PCDH15: variants seen among roughly 807,000 people sequenced by gnomAD.
PCDH15 encodes protocadherin related 15.
A neutral mutation model predicts 178.5 loss-of-function variants in PCDH15; 129 were observed. The ratio of observed to expected loss-of-function variants is 0.72; its 90% CI spans 0.63 to 0.84. The LOEUF (loss-of-function observed/expected upper bound fraction) is 0.84. PCDH15 is among the 40% of genes least tolerant of loss of function. The probability of loss-of-function intolerance (pLI) is 0.00; values close to 1 mark genes in which losing one functional copy is unlikely to be tolerated. For synonymous variants in PCDH15, 800 were observed against 732.0 expected (o/e 1.09, Z -1.50); for missense variants, 2,230 against 2,099.9 (o/e 1.06, Z -1.21).
At chr10:55,336,994 A>G (rs1307188733) in intron 2 of PCDH15, among the ~76,000 whole-genome samples, 1 of 152,058 alleles carries the variant, frequency 6.6e-6, no homozygotes, top group Non-Finnish European at 1.5e-5. Context: ...AGCAGCCCTG[A>G]CCCCAACTCC....
At chr10:55,542,149 T>C (rs1420241553) in intron 2 of PCDH15, among the ~76,000 whole-genome samples, 1 of 151,594 alleles carries the variant, frequency 6.6e-6, no homozygotes, top group Non-Finnish European at 1.5e-5. Flanking sequence ...TATATGTCTA[T>C]ATATGTCTAT....
chr10:54,008,823 T>A (rs988687087), intron 20 of PCDH15, among the ~76,000 whole-genome samples: 2 of 152,128 alleles, frequency 1.3e-5, no homozygotes, highest in Non-Finnish European at 2.9e-5. Context: ...TAGACAAGAG[T>A]AAACCAAGGC....
intron 1 of PCDH15, among the ~76,000 whole-genome samples, chr10:54,779,382 GTCTC>G (rs58210737): frequency 9.8e-5 from 11 of 112,614 alleles, no homozygotes; most frequent in South Asian, 3.4e-4. Flanking sequence ...ATATTTATCT[GTCTC>G]TCTCTCTCTA....
At chr10:54,817,472 G>A (rs970194360) in intron 3 of PCDH15, among the ~76,000 whole-genome samples, 9 of 151,876 alleles carry the variant, frequency 5.9e-5, no homozygotes, top group African/African-American at 1.9e-4. Context: ...TTTCAATGCC[G>A]TAGAAGCTGA....
intron 26 of PCDH15, among the ~76,000 whole-genome samples, chr10:53,887,019 T>A (rs757384481): frequency 2.0e-5 from 3 of 152,206 alleles, no homozygotes; most frequent in Non-Finnish European, 2.9e-5. Context: ...CATGTTGGCA[T>A]GATTATGCAA....
intron 3 of PCDH15, among the ~76,000 whole-genome samples, chr10:54,466,684 A>T (rs553098474): frequency 6.3e-4 from 96 of 151,536 alleles, no homozygotes; most frequent in African/African-American, 2.2e-3. Flanking sequence ...CTACATAAAT[A>T]TTTTTCTATT....
intron 1 of PCDH15, among the ~76,000 whole-genome samples, chr10:54,767,209 G>C (rs1438445550): frequency 1.4e-5 from 2 of 139,202 alleles, no homozygotes; most frequent in South Asian, 2.1e-4. Context: ...AATACAAACA[G>C]AGAGTATTGA....
chr10:54,416,155 T>A (rs779515206), intron 3 of PCDH15, among the ~76,000 whole-genome samples: 5 of 151,902 alleles, frequency 3.3e-5, no homozygotes, highest in Non-Finnish European at 5.9e-5. Context: ...ATAAAATTTT[T>A]AAAATTTTTA....
chr10:55,476,974 TATG>T (rs937744239), intron 2 of PCDH15, among the ~76,000 whole-genome samples: 4 of 151,970 alleles, frequency 2.6e-5, no homozygotes, highest in East Asian at 3.9e-4. Context: ...GGCCCCATAA[TATG>T]ATACTTCTTC....
At chr10:54,682,407 G>A (rs2094917013) in intron 1 of PCDH15, among the ~76,000 whole-genome samples, 1 of 152,066 alleles carries the variant, frequency 6.6e-6, no homozygotes, top group Non-Finnish European at 1.5e-5. Context: ...TTGGAACACT[G>A]GCATAAACTA....
chr10:54,955,273 G>A (rs920699019), intron 2 of PCDH15, among the ~76,000 whole-genome samples: 1 of 151,008 alleles, frequency 6.6e-6, no homozygotes, highest in African/African-American at 2.4e-5. Flanking sequence ...AGAAATAAGA[G>A]GAAAAGAACT....
At chr10:53,846,659 A>G (rs2077998026) in intron 28 of PCDH15, among the ~76,000 whole-genome samples, 1 of 152,040 alleles carries the variant, frequency 6.6e-6, no homozygotes, top group East Asian at 1.9e-4. Flanking sequence ...ATTTCAATTT[A>G]CAGCATTACC....
At chr10:54,413,393 C>A (rs760404394) in intron 3 of PCDH15, among the ~76,000 whole-genome samples, 14 of 152,122 alleles carry the variant, frequency 9.2e-5, no homozygotes, top group Non-Finnish European at 1.8e-4. Context: ...GGGGTCACTT[C>A]CTGCATCTCC....
intron 15 of PCDH15, among the ~76,000 whole-genome samples, chr10:54,101,847 C>A (rs1405119463): frequency 6.6e-6 from 1 of 151,894 alleles, no homozygotes; most frequent in African/African-American, 2.4e-5. Context: ...TGGTGTTGTG[C>A]AACTGTAGTC....
chr10:53,883,637 ATTG>A (rs1042312977), intron 26 of PCDH15, among the ~76,000 whole-genome samples: 2 of 152,170 alleles, frequency 1.3e-5, no homozygotes, highest in African/African-American at 4.8e-5. Context: ...ACATCTATAA[ATTG>A]TTGTAAAATA....
At chr10:55,431,913 G>C (rs894002507) in intron 2 of PCDH15, among the ~76,000 whole-genome samples, 5 of 152,004 alleles carry the variant, frequency 3.3e-5, no homozygotes, top group African/African-American at 1.2e-4. Flanking sequence ...TGTGAAGGTT[G>C]TTATTCTTAT....
intron 2 of PCDH15, among the ~76,000 whole-genome samples, chr10:55,523,379 TATAAACCATA>T: frequency 6.6e-6 from 1 of 151,780 alleles, no homozygotes; most frequent in Middle Eastern, 3.4e-3. Flanking sequence ...TATCTTTATG[TATAAACCATA>T]ATTGTAGAAG....
At chr10:55,362,643 CGT>C (rs148604478) in intron 2 of PCDH15, among the ~76,000 whole-genome samples, 15 of 149,782 alleles carry the variant, frequency 1.0e-4, no homozygotes, top group African/African-American at 1.2e-4. Flanking sequence ...TACATGCACT[CGT>C]GTGTGTGTGT....
At chr10:55,339,536 A>G (rs1844492850) in intron 2 of PCDH15, among the ~76,000 whole-genome samples, 1 of 152,220 alleles carries the variant, frequency 6.6e-6, no homozygotes, top group Non-Finnish European at 1.5e-5. Flanking sequence ...CATAACAGAT[A>G]CAAAAGGTTT....
Sources: gnomAD v4.1 joint callset for allele counts (sites outside exome capture counted in the v4.1 genomes callset) on GRCh38, gnomAD v4.1.1 for gene constraint, MANE v1.5 for transcripts, NCBI Gene and HGNC (gene_info 2026-07-23, HGNC 2026-07-21) for gene names.